SMARCA1: variants seen among roughly 807,000 people sequenced by gnomAD.
The protein encoded by SMARCA1 is SNF2 related chromatin remodeling ATPase 1.
SMARCA1 carries 17 observed loss-of-function variants against 93.6 expected under a neutral mutation model. That is an observed-to-expected ratio of 0.18 (90% CI 0.12 to 0.27). The LOEUF is 0.27. SMARCA1 is among the 10% of genes least tolerant of loss of function. The probability of loss-of-function intolerance (pLI) is 1.00; values close to 1 mark genes in which losing one functional copy is unlikely to be tolerated. For missense variants in SMARCA1, 630 were observed against 819.0 expected, an observed-to-expected ratio of 0.77 and a Z score of 2.82; for synonymous variants, 271 against 271.4, an observed-to-expected ratio of 1.00 and a Z score of 0.01.
At chrX:129,462,449 A>G (rs760558203) in intron 23 of SMARCA1, among the ~76,000 whole-genome samples, 52 of 112,079 alleles carry the variant, frequency 4.6e-4, no homozygotes, top group African/African-American at 1.6e-3. Context: ...ATCCATTTCT[A>G]TAATTTCCTA....
chrX:129,474,032 T>G (rs780854153), intron 19 of SMARCA1, among the ~76,000 whole-genome samples: 1 of 111,906 alleles, frequency 8.9e-6, no homozygotes, highest in Admixed American at 9.5e-5. Context: ...AATGTACTTA[T>G]GTCTGCAACT....
intron 23 of SMARCA1, among the ~76,000 whole-genome samples, chrX:129,456,147 G>C (rs888659170): frequency 9.0e-6 from 1 of 111,557 alleles, no homozygotes; most frequent in Non-Finnish European, 1.9e-5. Context: ...TTATTATTCT[G>C]AAAATCCTAG....
chrX:129,499,471 G>A (rs995634418), intron 10 of SMARCA1, among the ~76,000 whole-genome samples: 1 of 111,809 alleles, frequency 8.9e-6, no homozygotes, highest in Non-Finnish European at 1.9e-5. Flanking sequence ...TTTAGGCTAT[G>A]TAACTTGCCC....
Position 129,523,464 on chromosome X carries a change from G to T in SMARCA1, c.-94C>A. The T allele has an allele frequency of 1.4e-6, 1 of 730,017 alleles. No individual in the cohort carries two copies. The highest frequency in any genetic ancestry group is 1.9e-6 in the Non-Finnish European group (1 of 514,062). The allele number at this position is 730,017 out of a possible 1,213,427, so 60.2% of individuals were successfully genotyped here. On this transcript the variant is annotated 5_prime_UTR_variant, in exon 1 of 25. The change creates a new upstream start codon in the 5' untranslated region. Coordinates refer to ENST00000371121, the MANE Select transcript of SMARCA1 (RefSeq NM_001282874.2). Reference sequence around the variant, plus strand: ...GCACTGGAAAGAGCTAGATGGAGCAGGGGTGGGGAATCACTCCGCTTCCAA... The same window carrying T: ...GCACTGGAAAGAGCTAGATGGAGCATGGGTGGGGAATCACTCCGCTTCCAA...
intron 19 of SMARCA1, among the ~76,000 whole-genome samples, chrX:129,474,744 G>A (rs1014534837): frequency 1.8e-5 from 2 of 111,610 alleles, no homozygotes; most frequent in African/African-American, 6.5e-5. Context: ...CTCCTGATAT[G>A]GTTTGGCTGT....
intron 16 of SMARCA1, among the ~76,000 whole-genome samples, chrX:129,488,388 C>A (rs1157786824): frequency 9.3e-6 from 1 of 107,158 alleles, no homozygotes; most frequent in African/African-American, 3.4e-5. Context: ...GTGGGAGGCT[C>A]ACTTGGGGCC....
At chrX:129,498,803 T>C (rs1388797823) in intron 10 of SMARCA1, among the ~76,000 whole-genome samples, 8 of 111,858 alleles carry the variant, frequency 7.2e-5, no homozygotes, top group Non-Finnish European at 1.5e-4. Flanking sequence ...AGAAATCATA[T>C]ATTTTATACA....
At chrX:129,504,035 T>C (rs1310651537) in intron 9 of SMARCA1, among the ~76,000 whole-genome samples, 3 of 108,225 alleles carry the variant, frequency 2.8e-5, no homozygotes, top group African/African-American at 1.0e-4. Context: ...CCCAGCACTT[T>C]GGGAGGCCCA....
chrX:129,461,662 T>C (rs1369407888), intron 23 of SMARCA1, among the ~76,000 whole-genome samples: 3 of 112,130 alleles, frequency 2.7e-5, no homozygotes, highest in African/African-American at 9.7e-5. Flanking sequence ...GGTTATTTGA[T>C]AAGGGTCCTT....
At chrX:129,474,503 T>C (rs1024216525) in intron 19 of SMARCA1, among the ~76,000 whole-genome samples, 25 of 111,853 alleles carry the variant, frequency 2.2e-4, no homozygotes, top group African/African-American at 7.8e-4. Context: ...TACTAAAAAC[T>C]TCCCCTTTCA....
At chrX:129,505,601 G>T (rs188835518) in intron 8 of SMARCA1, among the ~76,000 whole-genome samples, 1 of 110,617 alleles carries the variant, frequency 9.0e-6, no homozygotes, top group South Asian at 3.8e-4. Context: ...ATAAATTTGT[G>T]TTAATGATAA....
intron 23 of SMARCA1, among the ~76,000 whole-genome samples, chrX:129,452,829 G>A (rs747720217): frequency 3.6e-4 from 40 of 112,166 alleles, no homozygotes; most frequent in Admixed American, 6.6e-4. Context: ...CAAATTGCAC[G>A]TCTGTAGCAA....
chrX:129,519,321 A>T (rs1215633656), intron 1 of SMARCA1, among the ~76,000 whole-genome samples: 8 of 111,743 alleles, frequency 7.2e-5, no homozygotes, highest in Non-Finnish European at 1.5e-4. Flanking sequence ...AAATAATAAA[A>T]ACACAAATCT....
intron 7 of SMARCA1, 139 bp from the exon 8 acceptor site, chrX:129,506,350 G>T: frequency 2.1e-6 from 1 of 481,221 alleles, no homozygotes. Context: ...CCCTAGTTCA[G>T]GTGACAATGC....
rs759298209 is a variant in SMARCA1 at position 129,465,867 on chromosome X, T to C, written c.2794A>G (p.Ile932Val). The stretch of plus-strand genomic sequence containing the variant: ...ACTTTGGCATCCAGGGCTTTCTTGA[T>C]ACTGATCCTTCGTTGAATTCTTGCT... ...GEARIQRRIS[I>V]KKALDAKIAR... The change falls in exon 22 of 25, where the codon ATC (isoleucine) becomes GTC (valine). Residue 932 changes from isoleucine (I) to valine (V), a missense_variant. Transcript: ENST00000371121. 1 of 1,172,016 alleles carries C rather than the reference T, an allele frequency of 8.5e-7. No homozygotes were observed. The highest frequency in any genetic ancestry group is 2.0e-5 in the South Asian group (1 of 50,818).
At chrX:129,508,759 TG>T (rs1305740475) in intron 6 of SMARCA1, among the ~76,000 whole-genome samples, 36 of 112,660 alleles carry the variant, frequency 3.2e-4, no homozygotes, top group Non-Finnish European at 2.4e-4. Context: ...TCACAGGCAG[TG>T]GCCAACATGG....
chrX:129,502,670 G>A (rs1023232701), intron 9 of SMARCA1, among the ~76,000 whole-genome samples: 6 of 111,190 alleles, frequency 5.4e-5, no homozygotes, highest in African/African-American at 9.8e-5. Context: ...GGAAGAAAAC[G>A]GAATCACAGC....
At chrX:129,455,949 T>A (rs1932602945) in intron 23 of SMARCA1, among the ~76,000 whole-genome samples, 1 of 112,052 alleles carries the variant, frequency 8.9e-6, no homozygotes, top group African/African-American at 3.2e-5. Flanking sequence ...AGATAATTGA[T>A]GAGGGTGGCC....
intron 23 of SMARCA1, among the ~76,000 whole-genome samples, chrX:129,451,831 G>A (rs1932315191): frequency 9.2e-6 from 1 of 109,010 alleles, no homozygotes; most frequent in Non-Finnish European, 1.9e-5. Flanking sequence ...AGCCTCCCGA[G>A]TAGCTGGGAC....
Sources: gnomAD v4.1 joint callset for allele counts (sites outside exome capture counted in the v4.1 genomes callset) on GRCh38, gnomAD v4.1.1 for gene constraint, MANE v1.5 for transcripts, NCBI Gene and HGNC (gene_info 2026-07-23, HGNC 2026-07-21) for gene names.